Variants in RNF10 observed in about 807,000 individuals in gnomAD.
RNF10 encodes E3 ubiquitin-protein ligase RNF10.
Under a neutral mutation model 91.4 loss-of-function variants are expected in RNF10, and 38 were observed. The ratio of observed to expected loss-of-function variants is 0.42; its 90% CI spans 0.32 to 0.54. The LOEUF (loss-of-function observed/expected upper bound fraction) is 0.54. Among genes scored for constraint, RNF10 ranks in the 20% least tolerant of loss-of-function variants. The pLI is 0.16. For missense variants in RNF10, 945 were observed against 1,012.0 expected (o/e 0.93, Z 0.90); for synonymous variants, 364 against 366.3 (o/e 0.99, Z 0.07).
At chr12:120,562,890 C>T (rs1875099202) in intron 7 of RNF10, 55 bp from the exon 8 acceptor site, 2 of 1,610,144 alleles carry the variant, frequency 1.2e-6, no homozygotes, top group Non-Finnish European at 8.5e-7. Flanking sequence ...GCCCTTCAAG[C>T]TAAGTGTGTG....
chr12:120,534,552 C>T lies in RNF10; in HGVS notation c.-260C>T. 1 of 652,610 alleles carries T rather than the reference C, an allele frequency of 1.5e-6. No homozygotes were observed. Among genetic ancestry groups the T allele is most frequent in the Non-Finnish European group, 2.1e-6 (1 of 467,180 alleles). 40.4% of individuals were successfully genotyped at this position (652,610 alleles called of 1,614,324 possible). On this transcript the variant is annotated 5_prime_UTR_variant, in exon 1 of 17. Coordinates refer to ENST00000325954, the MANE Select transcript of RNF10 (RefSeq NM_014868.5). ...TCCCTCGCCTCCCCTTCCCCCGCAG[C>T]CTCCGCCCCGCCAGGCCCGGCCCGG...
chr12:120,565,619 C>T, intron 12 of RNF10, 90 bp downstream of exon 12: 3 of 1,046,244 alleles, frequency 2.9e-6, no homozygotes, highest in Non-Finnish European at 1.4e-6. Flanking sequence ...AGACCTTAGC[C>T]ACTTGTTTTC....
chr12:120,573,572 CCGAGT>C (rs1876972406), intron 14 of RNF10, among the ~76,000 whole-genome samples: 2 of 150,244 alleles, frequency 1.3e-5, no homozygotes, highest in African/African-American at 5.0e-5. Flanking sequence ...TTACCCGACG[CCGAGT>C]CATTTATCAA....
intron 2 of RNF10, among the ~76,000 whole-genome samples, chr12:120,552,056 C>T (rs567327056): frequency 6.8e-6 from 1 of 147,134 alleles, no homozygotes; most frequent in Non-Finnish European, 1.5e-5. Context: ...TGCACTCCAG[C>T]CTGGGTGACA....
chr12:120,570,396 G>A (rs1876451307), intron 13 of RNF10, among the ~76,000 whole-genome samples: 1 of 151,228 alleles, frequency 6.6e-6, no homozygotes, highest in African/African-American at 2.4e-5. Context: ...ATGTTGGCCA[G>A]CCTGGTCTTG....
intron 1 of RNF10, among the ~76,000 whole-genome samples, chr12:120,542,625 T>C (rs1871738988): frequency 6.6e-6 from 1 of 152,198 alleles, no homozygotes; most frequent in Admixed American, 6.5e-5. Context: ...TGATTTCAGC[T>C]CACTGCAACC....
In RNF10 at chr12:120,563,526, A is replaced by G; in HGVS notation, c.1434A>G (p.Lys478=). The G allele has an allele frequency of 6.2e-7, 1 of 1,614,176 alleles. No homozygotes were observed. Among genetic ancestry groups the G allele is most frequent in the Middle Eastern group, 1.6e-4 (1 of 6,062 alleles). ...DDLELADDNL[K]EGTICTESSQ... ...TGGAGTTAGCAGATGACAATCTTAA[A>G]GAGGGGACCATTTGCACTGAGTCCA... is the stretch of plus-strand genomic sequence containing the variant. The change falls in exon 9 of 17, where the codon AAA becomes AAG. Residue 478 remains lysine, a synonymous_variant. Transcript: ENST00000325954.
chr12:120,563,037 C>T lies in RNF10; in HGVS notation c.1221C>T (p.Pro407=), dbSNP rs1321467434. The change falls in exon 8 of 17, where the codon CCC becomes CCT. Residue 407 remains proline (P), a synonymous_variant. Coordinates refer to ENST00000325954, the MANE Select transcript of RNF10 (RefSeq NM_014868.5). ...TGGAACAACTGGTGCTGATGGCTCC[C>T]TTGGCGAAGGAGTCTGTTTTTCAAC... ...AALEQLVLMA[P]LAKESVFQPR... The T allele has an allele frequency of 2.5e-6, 4 of 1,613,934 alleles. No homozygotes were observed. The highest frequency in any genetic ancestry group is 3.4e-6 in the Non-Finnish European group (4 of 1,179,980).
rs773954459 is a variant in RNF10 at position 120,546,605 on chromosome 12, T to A, written c.354+4T>A. On this transcript the variant is annotated splice_donor_region_variant and intron_variant, in intron 2 of 16. Coordinates refer to ENST00000325954, the MANE Select transcript of RNF10 (RefSeq NM_014868.5). ...TAATGGTGGAAGACGAGATGAGGTATGGAATTTGAGAATGTCCTTTCTAGA... is the reference window on the plus strand; with the variant it reads ...TAATGGTGGAAGACGAGATGAGGTAAGGAATTTGAGAATGTCCTTTCTAGA... The A allele has an allele frequency of 3.7e-6, 6 of 1,611,214 alleles. No individual in the cohort carries two copies. The South Asian group carries it at 4.4e-5, about 12-fold the overall frequency.
At chr12:120,552,784 A>T in intron 3 of RNF10, 86 bp downstream of exon 3, 1 of 1,151,362 alleles carries the variant, frequency 8.7e-7, no homozygotes, top group Non-Finnish European at 1.2e-6. Flanking sequence ...TTTTTAAGCT[A>T]TTGTGGGAAA....
At chr12:120,549,127 A>G (rs1457973119) in intron 2 of RNF10, among the ~76,000 whole-genome samples, 4 of 151,800 alleles carry the variant, frequency 2.6e-5, no homozygotes, top group African/African-American at 7.3e-5. Flanking sequence ...TTAGATAGGA[A>G]CTCTACCAGT....
chr12:120,572,611 T>A (rs748107231), intron 14 of RNF10, among the ~76,000 whole-genome samples: 18 of 152,020 alleles, frequency 1.2e-4, no homozygotes, highest in Non-Finnish European at 2.4e-4. Flanking sequence ...TTGTTTTGTT[T>A]TGAGTTGAAG....
intron 1 of RNF10, among the ~76,000 whole-genome samples, chr12:120,536,999 A>T (rs1187041761): frequency 6.6e-6 from 1 of 152,216 alleles, no homozygotes; most frequent in Non-Finnish European, 1.5e-5. Flanking sequence ...ACCCAACAAG[A>T]TGATACAGAA....
intron 13 of RNF10, 62 bp downstream of exon 13, chr12:120,567,042 C>CT (rs1875847391): frequency 2.0e-6 from 3 of 1,530,204 alleles, no homozygotes; most frequent in African/African-American, 1.4e-5. Context: ...GCTTTGGTGT[C>CT]TGAGTTTACA....
At chr12:120,572,984 A>C (rs1876891453) in intron 14 of RNF10, among the ~76,000 whole-genome samples, 1 of 151,450 alleles carries the variant, frequency 6.6e-6, no homozygotes, top group African/African-American at 2.4e-5. Flanking sequence ...CAGAGTTGAA[A>C]GAATAGTATT....
At chr12:120,550,291 A>G (rs1872856826) in intron 2 of RNF10, among the ~76,000 whole-genome samples, 1 of 151,984 alleles carries the variant, frequency 6.6e-6, no homozygotes, top group African/African-American at 2.4e-5. Flanking sequence ...ATTGGAAGAG[A>G]GGAGGTCAAG....
intron 3 of RNF10, among the ~76,000 whole-genome samples, chr12:120,552,938 G>C (rs1052199903): frequency 2.0e-5 from 3 of 149,964 alleles, no homozygotes; most frequent in African/African-American, 4.9e-5. Context: ...TAGAAAACAT[G>C]TTTGGAATTG....
intron 1 of RNF10, among the ~76,000 whole-genome samples, chr12:120,536,652 T>C (rs963395681): frequency 1.3e-5 from 2 of 152,184 alleles, no homozygotes; most frequent in Admixed American, 6.5e-5. Context: ...CCTCAAAAGA[T>C]AGAAGGTAAC....
chr12:120,567,530 A>G (rs1356374214), intron 13 of RNF10, among the ~76,000 whole-genome samples: 1 of 152,024 alleles, frequency 6.6e-6, no homozygotes, highest in Non-Finnish European at 1.5e-5. Context: ...GTGAAACCCT[A>G]TCTCTACTGA....
Sources: allele counts gnomAD v4.1 joint callset (sites outside exome capture counted in the v4.1 genomes callset), GRCh38; gene constraint gnomAD v4.1.1; transcripts MANE v1.5; gene names NCBI Gene and HGNC (gene_info 2026-07-23, HGNC 2026-07-21).